ATXN2: variants seen among roughly 807,000 people sequenced by gnomAD.
ATXN2 encodes the protein ataxin 2, also known as ataxin-2.
In ATXN2, 37 loss-of-function variants were observed where a neutral mutation model predicts 138.6. The ratio of observed to expected loss-of-function variants is 0.27; its 90% CI spans 0.21 to 0.35. The LOEUF is 0.35. Among genes scored for constraint, ATXN2 ranks in the 10% least tolerant of loss-of-function variants. ATXN2 has a pLI of 1.00. For synonymous variants in ATXN2, 549 were observed against 543.7 expected, an observed-to-expected ratio of 1.01 and a Z score of -0.13; for missense variants, 1,216 against 1,480.3, an observed-to-expected ratio of 0.82 and a Z score of 2.93.
At chr12:111,527,782 C>G (rs1880580517) in intron 5 of ATXN2, among the ~76,000 whole-genome samples, 1 of 152,140 alleles carries the variant, frequency 6.6e-6, no homozygotes, top group Non-Finnish European at 1.5e-5. Flanking sequence ...GCTATCTTAC[C>G]AACACCTCAT....
At chr12:111,520,212 A>C in intron 7 of ATXN2, 136 bp from the exon 8 acceptor site, 2 of 1,134,362 alleles carry the variant, frequency 1.8e-6, no homozygotes, top group Non-Finnish European at 2.4e-6. Context: ...ACTAAAACTA[A>C]AAGTTATAGT....
At chr12:111,595,138 G>A (rs1287264480) in intron 1 of ATXN2, among the ~76,000 whole-genome samples, 3 of 152,128 alleles carry the variant, frequency 2.0e-5, no homozygotes, top group African/African-American at 7.2e-5. Context: ...TCTTGACACT[G>A]GAAGTAATAC....
At position 111,518,480 on chromosome 12, in the gene ATXN2, T is replaced by C. The variant is rs576105747; in HGVS notation, c.987-53A>G. On this transcript the variant is annotated intron_variant, in intron 8 of 24. Coordinates refer to ENST00000673436, the MANE Select transcript of ATXN2 (RefSeq NM_001372574.1). The stretch of plus-strand genomic sequence containing the variant: ...TTTATTCTAAAAGGTACCAAGCCAA[T>C]GAAACATATCTAAAAGTCATCTAGA... 5.3e-6 allele frequency: 8 copies of C among 1,518,144 alleles called. No homozygotes were observed. In the African/African-American group the frequency reaches 1.1e-4, roughly 21 times the overall value. 94.0% of individuals were successfully genotyped at this position (1,518,144 alleles called of 1,614,324 possible). A position where few individuals can be genotyped will look rare whatever the true frequency, so the allele number is the denominator to read the frequency against.
rs1875160956 is a variant in ATXN2 at position 111,457,073 on chromosome 12, AC to A, written c.3042+140del. 4 of 1,085,114 alleles carry A rather than the reference AC, an allele frequency of 3.7e-6. No individual in the cohort carries two copies. The South Asian group carries it at 5.6e-5, about 15-fold the overall frequency. 67.2% of individuals were successfully genotyped at this position (1,085,114 alleles called of 1,614,324 possible). A position where few individuals can be genotyped will look rare whatever the true frequency, so the allele number is the denominator to read the frequency against. On this transcript the variant is annotated intron_variant, in intron 22 of 24. Transcript: ENST00000673436. ...TTTAAATGTGATTCTTAAAACCACC[AC>A]CCCAGGGGCACAGCTGTATCCATCT... is the stretch of plus-strand genomic sequence containing the variant.
At position 111,525,173 on chromosome 12, in the gene ATXN2, T is replaced by C. The variant is rs1034082155; in HGVS notation, c.696+19A>G. 5.0e-6 allele frequency: 8 copies of C among 1,600,548 alleles called. No individual in the cohort carries two copies. Among genetic ancestry groups the C allele is most frequent in the Middle Eastern group, 1.7e-4 (1 of 6,012 alleles). The stretch of plus-strand genomic sequence containing the variant: ...CATACTGACCAGAGTCTAGCAATAA[T>C]TACAAAGATGTTACTTACTACGTCA... On this transcript the variant is annotated intron_variant, in intron 6 of 24. Transcript: ENST00000673436.
chr12:111,580,508 A>T (rs1196125541), intron 1 of ATXN2, among the ~76,000 whole-genome samples: 1 of 150,784 alleles, frequency 6.6e-6, no homozygotes, highest in Non-Finnish European at 1.5e-5. Context: ...TCTGTCTCCA[A>T]AAAAGAAAAA....
chr12:111,589,708 G>A (rs1344837539), intron 1 of ATXN2, among the ~76,000 whole-genome samples: 6 of 151,772 alleles, frequency 4.0e-5, no homozygotes, highest in African/African-American at 1.4e-4. Flanking sequence ...AGAGGCAGAG[G>A]TTGCACTGAG....
At chr12:111,455,222 C>T (rs1279231390) in intron 23 of ATXN2, 1 of 677,100 alleles carries the variant, frequency 1.5e-6, no homozygotes, top group African/African-American at 1.8e-5. Flanking sequence ...AGCCAATTCA[C>T]CCGTAACAGC....
intron 1 of ATXN2, among the ~76,000 whole-genome samples, chr12:111,585,190 G>C: frequency 6.6e-6 from 1 of 152,044 alleles, no homozygotes; most frequent in East Asian, 1.9e-4. Context: ...TGCCCTTAGG[G>C]CCTAAGATAT....
chr12:111,566,873 G>A (rs1249652324), intron 1 of ATXN2, among the ~76,000 whole-genome samples: 12 of 152,088 alleles, frequency 7.9e-5, no homozygotes, highest in Admixed American at 7.2e-4. Flanking sequence ...CCTGACTTCA[G>A]GTGATCCGCC....
At chr12:111,510,132 C>T in intron 12 of ATXN2, 134 bp from the exon 13 acceptor site, 1 of 756,756 alleles carries the variant, frequency 1.3e-6, no homozygotes, top group Non-Finnish European at 2.1e-6. Context: ...TTTTCCTTTG[C>T]AGATGTCATA....
intron 1 of ATXN2, among the ~76,000 whole-genome samples, chr12:111,589,101 G>A (rs1320533691): frequency 6.8e-6 from 1 of 147,720 alleles, no homozygotes; most frequent in East Asian, 2.0e-4. Flanking sequence ...GATCATCTAA[G>A]GTCAGGAGTT....
intron 1 of ATXN2, among the ~76,000 whole-genome samples, chr12:111,575,560 AC>A (rs1427016806): frequency 6.6e-6 from 1 of 151,862 alleles, no homozygotes; most frequent in Non-Finnish European, 1.5e-5. Flanking sequence ...CATCTCAAAC[AC>A]CTCAATGCCA....
chr12:111,483,238 C>CACAA (rs1877386862), intron 18 of ATXN2, among the ~76,000 whole-genome samples: 1 of 146,682 alleles, frequency 6.8e-6, no homozygotes, highest in Non-Finnish European at 1.5e-5. Context: ...CACACACACA[C>CACAA]AAAACACCCA....
intron 1 of ATXN2, among the ~76,000 whole-genome samples, chr12:111,572,781 G>T (rs1006973755): frequency 1.3e-5 from 2 of 152,036 alleles, no homozygotes; most frequent in African/African-American, 4.8e-5. Context: ...TGTCCTTCTA[G>T]CCCCAGACTT....
At chr12:111,464,247 G>GGGGTGTGTGTGTGTGTGTGTGTGT (rs71445545) in intron 21 of ATXN2, among the ~76,000 whole-genome samples, 1 of 134,630 alleles carries the variant, frequency 7.4e-6, no homozygotes, top group African/African-American at 2.9e-5. Flanking sequence ...TGTGGCTTGG[G>GGGGTGTGTGTGTGTGTGTGTGTGT]GTGTGTGTGT....
chr12:111,492,336 C>T (rs1035016552), intron 14 of ATXN2, among the ~76,000 whole-genome samples: 3 of 152,106 alleles, frequency 2.0e-5, no homozygotes, highest in African/African-American at 7.2e-5. Context: ...CTGCAGTGAG[C>T]GAAGACTTAG....
At chr12:111,472,180 A>T (rs1297776692) in intron 18 of ATXN2, among the ~76,000 whole-genome samples, 8 of 152,010 alleles carry the variant, frequency 5.3e-5, no homozygotes, top group Non-Finnish European at 7.4e-5. Context: ...GGTGGGAGGA[A>T]CTTTTCAGCC....
chr12:111,535,554 A>G (rs597808), intron 5 of ATXN2, among the ~76,000 whole-genome samples: 102,554 of 151,816 alleles, frequency 0.68, 37,575 homozygotes, highest in East Asian at 1. Context: ...CCCGGGAGGC[A>G]GAGGTTGTGG....
Sources: gnomAD v4.1 joint callset for allele counts (sites outside exome capture counted in the v4.1 genomes callset) on GRCh38, gnomAD v4.1.1 for gene constraint, MANE v1.5 for transcripts, NCBI Gene and HGNC (gene_info 2026-07-23, HGNC 2026-07-21) for gene names.